Variants in AVL9 observed in about 807,000 individuals in gnomAD.
AVL9 encodes AVL9 cell migration associated.
In AVL9, 49 loss-of-function variants were observed where a neutral mutation model predicts 79.2. The ratio of observed to expected loss-of-function variants is 0.62; its 90% confidence interval spans 0.49 to 0.79. The LOEUF (loss-of-function observed/expected upper bound fraction) is 0.79, where lower values mean the gene tolerates loss of function less well. Among genes scored for constraint, AVL9 ranks in the 30% least tolerant of loss-of-function variants. The pLI, the probability that AVL9 is intolerant of heterozygous loss-of-function variation, is 0.00. For missense variants in AVL9, 682 were observed against 776.8 expected (o/e 0.88, Z 1.45); for synonymous variants, 299 against 280.6 (o/e 1.07, Z -0.65).
In AVL9 at chr7:32,573,243, G is replaced by T. The variant is rs777567066; in HGVS notation, c.1395G>T (p.Lys465Asn). 1 of 1,614,018 alleles carries T rather than the reference G, an allele frequency of 6.2e-7. No homozygotes were observed. The highest frequency in any genetic ancestry group is 8.5e-7 in the Non-Finnish European group (1 of 1,180,016). Reference protein sequence around the residue: ...LIQIHDPELRKLLNPTTADLR... With the variant: ...LIQIHDPELRNLLNPTTADLR... Reference sequence around the variant, plus strand: ...AGATCCATGATCCAGAACTCAGGAAGCTGCTTAACCCAACCACTGCAGACC... The same window carrying T: ...AGATCCATGATCCAGAACTCAGGAATCTGCTTAACCCAACCACTGCAGACC... The change falls in exon 12 of 16, where the codon AAG (lysine) becomes AAT (asparagine). Residue 465 changes from lysine to asparagine, a missense_variant. By Grantham distance (94) the Lys-to-Asn change is moderately conservative. Coordinates refer to ENST00000318709, the MANE Select transcript of AVL9 (RefSeq NM_015060.3).
At chr7:32,514,669 C>T (rs1378523261) in intron 1 of AVL9, among the ~76,000 whole-genome samples, 3 of 152,156 alleles carry the variant, frequency 2.0e-5, no homozygotes, top group Non-Finnish European at 2.9e-5. Context: ...GATGACATTA[C>T]CTTGTGAAAG....
intron 1 of AVL9, among the ~76,000 whole-genome samples, chr7:32,539,648 T>G (rs1789084567): frequency 1.3e-5 from 2 of 152,224 alleles, no homozygotes; most frequent in South Asian, 4.1e-4. Context: ...TTATTAGTTT[T>G]CTCTTGCTGC....
intron 1 of AVL9, among the ~76,000 whole-genome samples, chr7:32,522,886 T>C (rs1788223144): frequency 6.6e-6 from 1 of 152,122 alleles, no homozygotes; most frequent in African/African-American, 2.4e-5. Flanking sequence ...TCTCACAAGC[T>C]CTGATGGGTT....
At chr7:32,511,317 C>T (rs370548999) in intron 1 of AVL9, among the ~76,000 whole-genome samples, 6 of 150,042 alleles carry the variant, frequency 4.0e-5, no homozygotes, top group Middle Eastern at 3.6e-3. Flanking sequence ...ATTTGTGAGC[C>T]GTCAGGTCTG....
intron 1 of AVL9, chr7:32,538,264 A>G (rs1229179050): frequency 6.6e-6 from 1 of 152,214 alleles, no homozygotes; most frequent in Non-Finnish European, 1.5e-5. Context: ...TAACTCCAAG[A>G]TTATAGGATG....
chr7:32,495,633 T>A lies in AVL9; in HGVS notation c.-77T>A, dbSNP rs1485147334. 9.6e-7 allele frequency: 1 copy of A among 1,041,262 alleles called. No individual in the cohort carries two copies. Among genetic ancestry groups the A allele is most frequent in the Admixed American group, 4.3e-5 (1 of 23,462 alleles). 64.5% of individuals were successfully genotyped at this position (1,041,262 alleles called of 1,614,324 possible). On this transcript the variant is annotated 5_prime_UTR_variant, in exon 1 of 16. Transcript: ENST00000318709. Reference sequence around the variant, plus strand: ...CTCGCTGACACCCGAAGTCCGCGGCTTTCCGCACACGGTGGGGTCGTCAGA... The same window carrying A: ...CTCGCTGACACCCGAAGTCCGCGGCATTCCGCACACGGTGGGGTCGTCAGA...
At chr7:32,513,706 C>T (rs1050938408) in intron 1 of AVL9, among the ~76,000 whole-genome samples, 3 of 152,182 alleles carry the variant, frequency 2.0e-5, no homozygotes, top group Non-Finnish European at 2.9e-5. Context: ...GTATAGAGGA[C>T]GAAAAGTGGG....
chr7:32,575,080 T>A lies in AVL9; in HGVS notation c.1571-875T>A, dbSNP rs962629683. ...CTTTATCAGTTTTCAGTATATTCTT[T>A]TAAGACTTTTTTTGTTTTGTTTTGT... On this transcript the variant is annotated intron_variant, in intron 12 of 15. Transcript: ENST00000318709. Among the ~76,000 whole-genome samples the A allele has an allele frequency of 2.3e-5, 3 of 130,054 alleles. No homozygotes were observed. In the East Asian group the frequency reaches 6.7e-4, roughly 29 times the overall value. 85.3% of individuals were successfully genotyped at this position (130,054 alleles called of 152,430 possible). A position where few individuals can be genotyped will look rare whatever the true frequency, so the allele number is the denominator to read the frequency against.
chr7:32,513,554 G>A (rs1000467363), intron 1 of AVL9, among the ~76,000 whole-genome samples: 25 of 152,202 alleles, frequency 1.6e-4, no homozygotes, highest in Non-Finnish European at 2.1e-4. Flanking sequence ...TCTTTGAGTT[G>A]TCCCACCCTT....
rs912615917 is a variant in AVL9 at position 32,530,021 on chromosome 7, A to G, written c.94-13120A>G. 2.0e-5 allele frequency among the ~76,000 whole-genome samples: 3 copies of G among 152,210 alleles called. No individual in the cohort carries two copies. The South Asian group carries it at 6.2e-4, about 31-fold the overall frequency. On this transcript the variant is annotated intron_variant, in intron 1 of 15. Coordinates refer to ENST00000318709, the MANE Select transcript of AVL9 (RefSeq NM_015060.3). ...CTTTGATTGATTTATCCCTTATCCTATTAATGGACATATGGGTTCCCAGCT... is the reference window on the plus strand; with the variant it reads ...CTTTGATTGATTTATCCCTTATCCTGTTAATGGACATATGGGTTCCCAGCT...
At chr7:32,556,852 A>G (rs1014533993) in intron 8 of AVL9, among the ~76,000 whole-genome samples, 1 of 151,858 alleles carries the variant, frequency 6.6e-6, no homozygotes. Context: ...TGCAACCTCT[A>G]ACTCCCAGGC....
At chr7:32,524,475 A>C (rs1788313033) in intron 1 of AVL9, among the ~76,000 whole-genome samples, 1 of 152,188 alleles carries the variant, frequency 6.6e-6, no homozygotes, top group Non-Finnish European at 1.5e-5. Flanking sequence ...AGATCATGCT[A>C]CTGCACTCCT....
intron 12 of AVL9, among the ~76,000 whole-genome samples, chr7:32,573,819 A>G (rs1333368007): frequency 6.6e-6 from 1 of 152,240 alleles, no homozygotes; most frequent in African/African-American, 2.4e-5. Context: ...TTTAAGATGT[A>G]TAAAGGGAGA....
At chr7:32,544,872 T>C in intron 3 of AVL9, 93 bp downstream of exon 3, 2 of 877,752 alleles carry the variant, frequency 2.3e-6, no homozygotes, top group East Asian at 2.6e-5. Context: ...GTGCCTGTAA[T>C]GTTGTTTTAG....
chr7:32,524,775 C>T lies in AVL9; in HGVS notation c.94-18366C>T, dbSNP rs143839585. Among the ~76,000 whole-genome samples the T allele has an allele frequency of 3.3e-3, 495 of 152,196 alleles. 5 individuals carry two copies. The highest frequency in any genetic ancestry group is 0.011 in the African/African-American group (473 of 41,524). On this transcript the variant is annotated intron_variant, in intron 1 of 15. Transcript: ENST00000318709. ...TTCATAGCCTTTTGTGGAGCATTTACTGGGGCTTATGGCAAAAGACTGTGA... is the reference window on the plus strand; with the variant it reads ...TTCATAGCCTTTTGTGGAGCATTTATTGGGGCTTATGGCAAAAGACTGTGA...
At chr7:32,571,509 T>A (rs887503348) in intron 11 of AVL9, among the ~76,000 whole-genome samples, 2 of 151,710 alleles carry the variant, frequency 1.3e-5, no homozygotes, top group African/African-American at 4.8e-5. Flanking sequence ...GCTTGGGCGA[T>A]AGAGTGAAAT....
At chr7:32,546,416 T>C (rs1789505278) in intron 3 of AVL9, among the ~76,000 whole-genome samples, 1 of 152,200 alleles carries the variant, frequency 6.6e-6, no homozygotes, top group African/African-American at 2.4e-5. Flanking sequence ...GGAACACCCA[T>C]GTTATGTCAT....
chr7:32,502,252 C>A (rs867526756), intron 1 of AVL9, among the ~76,000 whole-genome samples: 53 of 151,678 alleles, frequency 3.5e-4, no homozygotes, highest in African/African-American at 1.3e-3. Flanking sequence ...GTAGTCCCAG[C>A]TACTTGGGAG....
At chr7:32,505,673 A>G (rs1420774435) in intron 1 of AVL9, among the ~76,000 whole-genome samples, 3 of 152,208 alleles carry the variant, frequency 2.0e-5, no homozygotes, top group Admixed American at 6.5e-5. Context: ...GTACAGAGGT[A>G]GGAGATATAG....
Sources: gnomAD v4.1 joint callset for allele counts (sites outside exome capture counted in the v4.1 genomes callset) on GRCh38, gnomAD v4.1.1 for gene constraint, MANE v1.5 for transcripts, NCBI Gene and HGNC (gene_info 2026-07-23, HGNC 2026-07-21) for gene names.